SEC14L1: variants seen among roughly 807,000 people sequenced by gnomAD.
SEC14L1 encodes SEC14-like protein 1.
SEC14L1 carries 48 observed loss-of-function variants against 85.3 expected under a neutral mutation model. The observed-to-expected ratio is 0.56, with a 90% confidence interval of 0.45 to 0.72. The LOEUF (loss-of-function observed/expected upper bound fraction) is 0.72. Ranked by LOEUF, SEC14L1 falls within the 30% of genes least tolerant of loss-of-function variation. The pLI is 0.00. For synonymous variants in SEC14L1, 391 were observed against 355.5 expected (o/e 1.10, Z -1.12); for missense variants, 682 against 921.4 (o/e 0.74, Z 3.36).
Position 77,186,180 on chromosome 17 carries a change from C to T in SEC14L1, c.64-4623C>T, listed in dbSNP as rs1334300878. Among the ~76,000 whole-genome samples the T allele has an allele frequency of 3.9e-5, 6 of 152,170 alleles. No individual in the cohort carries two copies. The East Asian group carries it at 1.2e-3, about 29-fold the overall frequency. Reference sequence around the variant, plus strand: ...AGCTCCTGGAGAGGAAGGCCAGGGCCTTCTGTCTGCACCCGGCAAGGCATG... The same window carrying T: ...AGCTCCTGGAGAGGAAGGCCAGGGCTTTCTGTCTGCACCCGGCAAGGCATG... On this transcript the variant is annotated intron_variant, in intron 3 of 16. Transcript: ENST00000436233.
intron 3 of SEC14L1, among the ~76,000 whole-genome samples, chr17:77,123,087 A>G (rs1393485286): frequency 2.7e-5 from 4 of 147,944 alleles, no homozygotes; most frequent in Admixed American, 6.8e-5. Flanking sequence ...GTCTCACTCT[A>G]TTGCCATGCT....
chr17:77,136,155 G>A (rs553077690), upstream of SEC14L1, among the ~76,000 whole-genome samples: 14 of 151,978 alleles, frequency 9.2e-5, no homozygotes, highest in African/African-American at 1.7e-4. Flanking sequence ...GATTACAGGC[G>A]TGAGCCACTG....
chr17:77,166,967 C>T (rs1368962400), intron 3 of SEC14L1, among the ~76,000 whole-genome samples: 1 of 152,088 alleles, frequency 6.6e-6, no homozygotes, highest in Non-Finnish European at 1.5e-5. Flanking sequence ...TTTGATCATC[C>T]CTCTGATGTG....
chr17:77,132,626 A>T (rs1462409933), intron 3 of SEC14L1, among the ~76,000 whole-genome samples: 1 of 152,178 alleles, frequency 6.6e-6, no homozygotes, highest in Non-Finnish European at 1.5e-5. Context: ...AGGCCACCAG[A>T]AAATACGAAG....
rs143573169 is a variant in SEC14L1 at position 77,100,209 on chromosome 17, G to A, written c.-136+6862G>A. 8.9e-4 allele frequency among the ~76,000 whole-genome samples: 136 copies of A among 152,288 alleles called. 1 individual carries two copies. The highest frequency in any genetic ancestry group is 1.3e-3 in the Admixed American group (20 of 15,298). ...GTGGACTGACCTCTTCCTGGTAGATGTGGACTGACTTCTGCCTATTCACCC... is the reference window on the plus strand; with the variant it reads ...GTGGACTGACCTCTTCCTGGTAGATATGGACTGACTTCTGCCTATTCACCC... On this transcript the variant is annotated intron_variant, in intron 3 of 19. Coordinates refer to the SEC14L1 transcript ENST00000392476.
chr17:77,170,711 A>T (rs756732914), intron 3 of SEC14L1, among the ~76,000 whole-genome samples: 1 of 152,186 alleles, frequency 6.6e-6, no homozygotes, highest in Non-Finnish European at 1.5e-5. Flanking sequence ...CTGGGTTTTT[A>T]AAATTAGTTG....
chr17:77,099,153 A>C (rs1971711570), intron 3 of SEC14L1: 1 of 152,180 alleles, frequency 6.6e-6, no homozygotes, highest in African/African-American at 2.4e-5. Flanking sequence ...TGGTTATGCA[A>C]TGCCACGTTA....
chr17:77,202,000 A>C (rs1976172312), intron 9 of SEC14L1, among the ~76,000 whole-genome samples: 1 of 151,522 alleles, frequency 6.6e-6, no homozygotes. Flanking sequence ...TTTCAGGAGC[A>C]CAATCGTCTG....
At chr17:77,202,925 AAAT>A (rs1976234134) in intron 9 of SEC14L1, among the ~76,000 whole-genome samples, 1 of 116,612 alleles carries the variant, frequency 8.6e-6, no homozygotes, top group African/African-American at 3.3e-5. Context: ...TCTCTAAAAA[AAAT>A]AAAAAAATAA....
chr17:77,216,303 C>A lies in SEC14L1; in HGVS notation c.*2280C>A, dbSNP rs112436719. ...TAGTAGGTAGGGTTCGTAGGTAGGG[C>A]TAGTAGGTAGGGCTAGTAGGTAGGG... On this transcript the variant is annotated 3_prime_UTR_variant, in exon 17 of 17. Transcript: ENST00000436233. 2 of 991,284 alleles carry A rather than the reference C, an allele frequency of 2.0e-6. No homozygotes were observed. Among genetic ancestry groups the A allele is most frequent in the Non-Finnish European group, 2.4e-6 (2 of 827,062 alleles). 61.4% of individuals were successfully genotyped at this position (991,284 alleles called of 1,614,324 possible). A position where few individuals can be genotyped will look rare whatever the true frequency, so the allele number is the denominator to read the frequency against.
At chr17:77,095,739 C>G (rs1031639069) in intron 3 of SEC14L1, among the ~76,000 whole-genome samples, 5 of 152,044 alleles carry the variant, frequency 3.3e-5, no homozygotes, top group Admixed American at 2.6e-4. Flanking sequence ...ATCAGTTGAA[C>G]CCAGGAGACA....
chr17:77,112,128 G>A (rs1328765298), intron 3 of SEC14L1, among the ~76,000 whole-genome samples: 3 of 152,106 alleles, frequency 2.0e-5, no homozygotes, highest in African/African-American at 7.2e-5. Context: ...CCCTTTCCCC[G>A]CTTTGCTCAG....
rs780686653 is a variant in SEC14L1 at position 77,143,577 on chromosome 17, G to C, written c.-20G>C. On this transcript the variant is annotated 5_prime_UTR_variant, in exon 3 of 17. Transcript: ENST00000436233. ...ATTTATGTTTTGCAGGTGTGAGAGGGTTGCTGTTGTATTGCAATCATGGTG... is the reference window on the plus strand; with the variant it reads ...ATTTATGTTTTGCAGGTGTGAGAGGCTTGCTGTTGTATTGCAATCATGGTG... 2.4e-5 allele frequency: 39 copies of C among 1,608,190 alleles called. No individual in the cohort carries two copies. The South Asian group carries it at 4.2e-4, about 17-fold the overall frequency.
chr17:77,184,682 C>T (rs1042128138), intron 3 of SEC14L1, among the ~76,000 whole-genome samples: 1 of 152,164 alleles, frequency 6.6e-6, no homozygotes, highest in Non-Finnish European at 1.5e-5. Flanking sequence ...ATCAACCGCA[C>T]GGATTCCTTT....
chr17:77,205,975 TGAGA>T (rs1186616279), intron 11 of SEC14L1, among the ~76,000 whole-genome samples: 2 of 152,198 alleles, frequency 1.3e-5, no homozygotes, highest in Non-Finnish European at 2.9e-5. Flanking sequence ...TGAGCATATC[TGAGA>T]GAGCTTTTCG....
Position 77,213,999 on chromosome 17 carries a change from C to T in SEC14L1, c.2124C>T (p.His708=). 6.2e-7 allele frequency: 1 copy of T among 1,613,244 alleles called. No individual in the cohort carries two copies. Among genetic ancestry groups the T allele is most frequent in the South Asian group, 1.1e-5 (1 of 91,056 alleles). The change falls in exon 17 of 17, where the codon CAC becomes CAT. Residue 708 remains histidine (H), a synonymous_variant. Transcript: ENST00000436233. The surrounding 1 kb of genome is among the most constrained non-coding windows in gnomAD (Gnocchi z 7.1). ...SAATTSSSQS[H]SSSMISR is the part of the protein sequence containing the mutation. ...CCACCACCTCCTCCAGCCAGTCCCA[C>T]TCCAGCTCCATGATCTCCAGGTAGT...
chr17:77,202,662 A>G (rs188933753), intron 9 of SEC14L1, among the ~76,000 whole-genome samples: 46 of 152,132 alleles, frequency 3.0e-4, no homozygotes, highest in East Asian at 1.7e-3. Flanking sequence ...GCTCACGCCT[A>G]TAATCCTAGA....
chr17:77,166,017 G>C (rs969047027), intron 3 of SEC14L1, among the ~76,000 whole-genome samples: 2 of 152,368 alleles, frequency 1.3e-5, no homozygotes, highest in Admixed American at 6.5e-5. Flanking sequence ...CTGTGGGCCT[G>C]ACAGCGGCTT....
chr17:77,158,798 C>CTTTTTTTTTTTTTTTTTTT lies in SEC14L1; in HGVS notation c.63+15154_63+15172dup, dbSNP rs34186028. 3.3e-4 allele frequency among the ~76,000 whole-genome samples: 13 copies of CTTTTTTTTTTTTTTTTTTT among 39,240 alleles called. 4 individuals are homozygous for CTTTTTTTTTTTTTTTTTTT. The highest frequency in any genetic ancestry group is 9.6e-4 in the South Asian group (1 of 1,042). The allele number at this position is 39,240 out of a possible 152,430, so 25.7% of individuals were successfully genotyped here. A position where few individuals can be genotyped will look rare whatever the true frequency, so the allele number is the denominator to read the frequency against. On this transcript the variant is annotated intron_variant, in intron 3 of 16. Coordinates refer to ENST00000436233, the MANE Select transcript of SEC14L1 (RefSeq NM_001143998.2). The stretch of plus-strand genomic sequence containing the variant: ...CAATTACATTTTATAGCTTTCTTTC[C>CTTTTTTTTTTTTTTTTTTT]TTTTTTTTTTTTTTTTTTTTTTTTT...
Sources: allele counts gnomAD v4.1 joint callset (sites outside exome capture counted in the v4.1 genomes callset), GRCh38; gene constraint gnomAD v4.1.1; non-coding constraint Gnocchi (gnomAD v3.1); transcripts MANE v1.5; gene names NCBI Gene and HGNC (gene_info 2026-07-23, HGNC 2026-07-21).